Variants in ATXN1 observed in about 807,000 individuals in gnomAD.
ATXN1 encodes ataxin 1.
In ATXN1, 8 loss-of-function variants were observed where a neutral mutation model predicts 56.4. The observed-to-expected ratio is 0.14, with a 90% CI of 0.08 to 0.26. The LOEUF (loss-of-function observed/expected upper bound fraction) is 0.26, where lower values mean the gene tolerates loss of function less well. Among genes scored for constraint, ATXN1 ranks in the 10% least tolerant of loss-of-function variants. ATXN1 has a pLI of 1.00. For missense variants in ATXN1, 987 were observed against 1,106.5 expected (o/e 0.89, Z 1.53); for synonymous variants, 514 against 494.6 (o/e 1.04, Z -0.52).
At chr6:16,387,615 G>T (rs1319763130) in intron 6 of ATXN1, among the ~76,000 whole-genome samples, 1 of 152,244 alleles carries the variant, frequency 6.6e-6, no homozygotes, top group South Asian at 2.1e-4. Context: ...GGGAGTGCTT[G>T]TTGTGTTGTC....
chr6:16,401,847 A>G (rs431539), intron 6 of ATXN1, among the ~76,000 whole-genome samples: 10,955 of 152,202 alleles, frequency 0.072, 931 homozygotes, highest in East Asian at 0.43. Flanking sequence ...GTCCATTTTT[A>G]TGCTGTTGAT....
At chr6:16,674,347 T>C (rs1041703490) in intron 2 of ATXN1, among the ~76,000 whole-genome samples, 1 of 139,478 alleles carries the variant, frequency 7.2e-6, no homozygotes, top group Non-Finnish European at 1.5e-5. Context: ...TTTTTTTTTT[T>C]TTTTTTTTTT....
chr6:16,667,855 C>T (rs1438510492), intron 2 of ATXN1, among the ~76,000 whole-genome samples: 3 of 152,186 alleles, frequency 2.0e-5, no homozygotes, highest in African/African-American at 7.2e-5. Flanking sequence ...ATACTGAACA[C>T]TTTCTAGATT....
chr6:16,739,760 G>A (rs1209153592), intron 2 of ATXN1: 1 of 450,546 alleles, frequency 2.2e-6, no homozygotes, highest in Non-Finnish European at 4.5e-6. Context: ...CTGAAGCTGG[G>A]TGTCATCCTT....
At chr6:16,422,610 T>C (rs936005111) in intron 6 of ATXN1, among the ~76,000 whole-genome samples, 2 of 152,174 alleles carry the variant, frequency 1.3e-5, no homozygotes, top group African/African-American at 2.4e-5. Context: ...GGGGCAGCAG[T>C]ATTAATTGTT....
intron 3 of ATXN1, among the ~76,000 whole-genome samples, chr6:16,627,833 G>C (rs1446736027): frequency 1.3e-5 from 2 of 152,158 alleles, no homozygotes; most frequent in Non-Finnish European, 2.9e-5. Context: ...CAGCTCTAAG[G>C]GGGAGGTCAA....
intron 4 of ATXN1, among the ~76,000 whole-genome samples, chr6:16,529,208 GTTTT>G (rs57446118): frequency 8.1e-6 from 1 of 123,358 alleles, no homozygotes; most frequent in Non-Finnish European, 1.7e-5. Context: ...AGGGTTTTTT[GTTTT>G]TTTTTTTTTT....
In ATXN1 at chr6:16,372,952, A is replaced by G. The variant is rs1762074122; in HGVS notation, c.-160-44482T>C. On this transcript the variant is annotated intron_variant, in intron 6 of 7. Transcript: ENST00000436367. Reference sequence around the variant, plus strand: ...AAATAAATAAACAAACAAACAAACAAACAAACAAACAAACAAATAAATGAA... The same window carrying G: ...AAATAAATAAACAAACAAACAAACAGACAAACAAACAAACAAATAAATGAA... 3.6e-5 allele frequency among the ~76,000 whole-genome samples: 5 copies of G among 139,964 alleles called. No homozygotes were observed. The South Asian group carries it at 1.2e-3, about 32-fold the overall frequency. The allele number at this position is 139,964 out of a possible 152,430, so 91.8% of individuals were successfully genotyped here.
chr6:16,381,562 G>A (rs569558850), intron 6 of ATXN1, among the ~76,000 whole-genome samples: 28 of 152,340 alleles, frequency 1.8e-4, no homozygotes, highest in African/African-American at 5.5e-4. Context: ...ATATAATGCC[G>A]TTTGTGTGTG....
intron 6 of ATXN1, among the ~76,000 whole-genome samples, chr6:16,430,164 A>T (rs1759249477): frequency 6.6e-6 from 1 of 152,128 alleles, no homozygotes; most frequent in South Asian, 2.1e-4. Context: ...TTGGAGGGAA[A>T]CGGCCACATC....
At chr6:16,689,510 C>CTTTTT (rs371753662) in intron 2 of ATXN1, among the ~76,000 whole-genome samples, 20 of 126,860 alleles carry the variant, frequency 1.6e-4, no homozygotes, top group African/African-American at 5.4e-4. Context: ...CTTTTTTTTT[C>CTTTTT]TTTTTTTTTT....
At chr6:16,402,293 A>G (rs893731526) in intron 6 of ATXN1, among the ~76,000 whole-genome samples, 3 of 99,382 alleles carry the variant, frequency 3.0e-5, no homozygotes, top group Non-Finnish European at 5.7e-5. Flanking sequence ...TTCTAGTTCT[A>G]ATGCTTGGTC....
intron 6 of ATXN1, among the ~76,000 whole-genome samples, chr6:16,469,533 A>G (rs2113637023): frequency 6.6e-6 from 1 of 152,296 alleles, no homozygotes; most frequent in Admixed American, 6.5e-5. Flanking sequence ...AGGCCTCAGG[A>G]AAGAGGTCAG....
Position 16,410,203 on chromosome 6 carries a change from C to T in ATXN1, c.-161+75769G>A, listed in dbSNP as rs1403684618. On this transcript the variant is annotated intron_variant, in intron 6 of 7. Transcript: ENST00000436367. The surrounding 1 kb of genome is among the most constrained non-coding windows in gnomAD (Gnocchi z 4.6). The stretch of plus-strand genomic sequence containing the variant: ...TCACAGCATCTAGCGGCCCTCCTTC[C>T]CCCTTACTATGACTTCCAATTTTGA... 6.6e-6 allele frequency among the ~76,000 whole-genome samples: 1 copy of T among 152,176 alleles called. No homozygotes were observed. The highest frequency in any genetic ancestry group is 1.5e-5 in the Non-Finnish European group (1 of 68,030).
At chr6:16,627,260 T>G (rs942987102) in intron 3 of ATXN1, among the ~76,000 whole-genome samples, 3 of 152,208 alleles carry the variant, frequency 2.0e-5, no homozygotes, top group Non-Finnish European at 4.4e-5. Context: ...TCAGGTGACC[T>G]AGAACTGTAT....
chr6:16,745,946 G>GTGTT (rs1561835670), intron 2 of ATXN1, among the ~76,000 whole-genome samples: 2 of 150,570 alleles, frequency 1.3e-5, no homozygotes. Flanking sequence ...GTGTGTGTGT[G>GTGTT]TGTGTGTGTG....
In ATXN1 at chr6:16,327,075, G is replaced by T; in HGVS notation, c.1236C>A (p.Asp412Glu). The T allele has an allele frequency of 6.2e-7, 1 of 1,613,952 alleles. No individual in the cohort carries two copies. The highest frequency in any genetic ancestry group is 2.2e-5 in the East Asian group (1 of 44,874). The change falls in exon 7 of 8, where the codon GAC becomes GAA. Residue 412 changes from aspartate to glutamate, a missense_variant. Transcript: ENST00000436367. Reference protein sequence around the residue: ...HREASPSTLNDKSGLHLGKPG... With the variant: ...HREASPSTLNEKSGLHLGKPG... ...GCTTCCCTAAATGCAGGCCACTTTT[G>T]TCGTTGAGGGTAGAAGGGGAGGCTT...
chr6:16,711,760 G>A (rs1759529509), intron 2 of ATXN1, among the ~76,000 whole-genome samples: 1 of 152,016 alleles, frequency 6.6e-6, no homozygotes, highest in South Asian at 2.1e-4. Context: ...TGGGATTACA[G>A]GTGCGTGCCA....
intron 1 of ATXN1, among the ~76,000 whole-genome samples, chr6:16,755,943 T>A (rs1034330186): frequency 6.6e-6 from 1 of 152,178 alleles, no homozygotes; most frequent in Non-Finnish European, 1.5e-5. Flanking sequence ...ATGAAACATT[T>A]CTGCTAACAT....
Sources: allele counts gnomAD v4.1 joint callset (sites outside exome capture counted in the v4.1 genomes callset), GRCh38; gene constraint gnomAD v4.1.1; non-coding constraint Gnocchi (gnomAD v3.1); transcripts MANE v1.5; gene names NCBI Gene and HGNC (gene_info 2026-07-23, HGNC 2026-07-21).